IFT140: variants seen among roughly 807,000 people sequenced by gnomAD.
IFT140 encodes the protein intraflagellar transport protein 140 homolog.
A neutral mutation model predicts 164.6 loss-of-function variants in IFT140; 133 were observed. That is an observed-to-expected ratio of 0.81 (90% CI 0.70 to 0.93). The LOEUF is 0.93. Among genes scored for constraint, IFT140 ranks in the 40% least tolerant of loss-of-function variants. The pLI, the probability that IFT140 is intolerant of heterozygous loss-of-function variation, is 0.00. For missense variants in IFT140, 2,045 were observed against 1,972.3 expected (o/e 1.04, Z -0.70); for synonymous variants, 860 against 817.3 (o/e 1.05, Z -0.89).
chr16:1,568,298 C>T lies in IFT140; in HGVS notation c.1689G>A (p.Ala563=), dbSNP rs774761227. The T allele has an allele frequency of 2.0e-5, 32 of 1,613,786 alleles. No homozygotes were observed. Among genetic ancestry groups the T allele is most frequent in the Non-Finnish European group, 2.3e-5 (27 of 1,180,006 alleles). The change falls in exon 15 of 31, where the codon GCG becomes GCA. Residue 563 remains alanine (A), a synonymous_variant. Transcript: ENST00000426508. ...TGCCCCCCACCCCAGGGACCAGCTCCGCCAGGCTCCTGCAGCTACAGTGTG... is the reference window on the plus strand; with the variant it reads ...TGCCCCCCACCCCAGGGACCAGCTCTGCCAGGCTCCTGCAGCTACAGTGTG... ...AKAHCSCRSL[A]ELVPGVGGIA...
intron 19 of IFT140, among the ~76,000 whole-genome samples, chr16:1,536,456 C>T (rs1408448028): frequency 6.6e-6 from 1 of 152,232 alleles, no homozygotes; most frequent in Non-Finnish European, 1.5e-5. Context: ...ATATTTACAA[C>T]ATCCTCCTGC....
At chr16:1,513,580 C>T (rs549804402) in intron 30 of IFT140, among the ~76,000 whole-genome samples, 10 of 152,110 alleles carry the variant, frequency 6.6e-5, no homozygotes, top group South Asian at 2.1e-4. Context: ...CTAATGACGA[C>T]GGACACATGG....
chr16:1,541,901 T>G, intron 19 of IFT140: 1 of 1,573,500 alleles, frequency 6.4e-7, no homozygotes, highest in Non-Finnish European at 8.6e-7. Context: ...CACCACTGCC[T>G]CTCTGCTCTT....
At chr16:1,575,249 C>G (rs1567390696) in intron 13 of IFT140, among the ~76,000 whole-genome samples, 1 of 151,826 alleles carries the variant, frequency 6.6e-6, no homozygotes, top group African/African-American at 2.4e-5. Flanking sequence ...GTGATTGGCA[C>G]CTGTGGTCCC....
At chr16:1,532,510 C>T (rs1477037545) in intron 19 of IFT140, 5 of 152,288 alleles carry the variant, frequency 3.3e-5, no homozygotes, top group South Asian at 4.1e-4. Flanking sequence ...GGAGACTGGT[C>T]CCAGGAAGTG....
intron 15 of IFT140, among the ~76,000 whole-genome samples, chr16:1,566,545 T>C (rs1485344553): frequency 1.3e-5 from 2 of 152,196 alleles, no homozygotes; most frequent in Non-Finnish European, 2.9e-5. Context: ...CACTGCAGCC[T>C]CCGCCTCCCG....
intron 7 of IFT140, 141 bp downstream of exon 7, chr16:1,589,464 G>GCTAGCTACGTTAGCCGCC (rs2035062395): frequency 1.4e-6 from 1 of 706,940 alleles, no homozygotes; most frequent in Admixed American, 2.7e-5. Context: ...TAATGACACC[G>GCTAGCTACGTTAGCCGCC]CTAGCTACGT....
intron 19 of IFT140, among the ~76,000 whole-genome samples, chr16:1,530,290 A>G (rs1377912857): frequency 6.6e-6 from 1 of 151,322 alleles, no homozygotes; most frequent in African/African-American, 2.4e-5. Flanking sequence ...GCGCCACCAC[A>G]CCCAGCTAAT....
At chr16:1,563,957 CTGAG>C in intron 17 of IFT140, 36 bp downstream of exon 17, 1 of 1,507,100 alleles carries the variant, frequency 6.6e-7, no homozygotes, top group Non-Finnish European at 9.0e-7. Flanking sequence ...CAAATGGCCA[CTGAG>C]TGTGTCTAAA....
At chr16:1,538,849 G>A (rs895322074) in intron 19 of IFT140, among the ~76,000 whole-genome samples, 3 of 152,210 alleles carry the variant, frequency 2.0e-5, no homozygotes, top group African/African-American at 7.2e-5. Flanking sequence ...TGTGGAGTCC[G>A]TTGGAGCAGT....
At chr16:1,583,285 G>T in intron 12 of IFT140, 29 bp downstream of exon 12, 1 of 1,599,944 alleles carries the variant, frequency 6.3e-7, no homozygotes, top group Non-Finnish European at 8.6e-7. Context: ...GGTAGTGGGA[G>T]TGCCTCTGTC....
At chr16:1,595,478 G>A (rs1490065424) in intron 4 of IFT140, among the ~76,000 whole-genome samples, 1 of 151,226 alleles carries the variant, frequency 6.6e-6, no homozygotes, top group Non-Finnish European at 1.5e-5. Flanking sequence ...AGCCAGGCAT[G>A]TTGGTGCACA....
At chr16:1,517,731 G>A (rs769971188) in intron 30 of IFT140, among the ~76,000 whole-genome samples, 18 of 152,150 alleles carry the variant, frequency 1.2e-4, no homozygotes, top group African/African-American at 3.1e-4. Flanking sequence ...ATTCAGACTC[G>A]GGTACATGCA....
intron 18 of IFT140, 129 bp downstream of exon 18, chr16:1,561,856 T>G: frequency 1.2e-6 from 1 of 861,370 alleles, no homozygotes; most frequent in South Asian, 2.3e-5. Context: ...TGATGCTGTC[T>G]ACGGAGAGGG....
At chr16:1,601,805 G>C (rs2035809396) in intron 4 of IFT140, among the ~76,000 whole-genome samples, 1 of 152,222 alleles carries the variant, frequency 6.6e-6, no homozygotes, top group African/African-American at 2.4e-5. Flanking sequence ...CTAGATGCCT[G>C]TTACCCTTTT....
At chr16:1,541,119 C>T (rs2031589708) in intron 19 of IFT140, 5 of 985,454 alleles carry the variant, frequency 5.1e-6, no homozygotes, top group South Asian at 9.4e-5. Flanking sequence ...CTGCCCCTGA[C>T]CACGCATCCA....
Position 1,554,635 on chromosome 16 carries a change from G to A in IFT140, c.2399+3300C>T, listed in dbSNP as rs1647208529. On this transcript the variant is annotated intron_variant, in intron 19 of 30. Coordinates refer to ENST00000426508, the MANE Select transcript of IFT140 (RefSeq NM_014714.4). ...CGCTCTAGGACAGAGGGCTGGGGAA[G>A]GATAAAGCAGGCTGGAACCCGCTCT... 8 of 1,245,096 alleles carry A rather than the reference G, an allele frequency of 6.4e-6. No homozygotes were observed. The Admixed American group carries it at 1.8e-4, about 29-fold the overall frequency. The allele number at this position is 1,245,096 out of a possible 1,614,324, so 77.1% of individuals were successfully genotyped here.
At chr16:1,529,959 A>T (rs572618736) in intron 19 of IFT140, among the ~76,000 whole-genome samples, 1 of 151,876 alleles carries the variant, frequency 6.6e-6, no homozygotes, top group Non-Finnish European at 1.5e-5. Flanking sequence ...AGTTCTACAG[A>T]TCGGATGGAA....
At chr16:1,517,996 C>G (rs1028534264) in intron 30 of IFT140, 2 of 435,422 alleles carry the variant, frequency 4.6e-6, no homozygotes, top group African/African-American at 2.0e-5. Flanking sequence ...AGCCACCATG[C>G]CTGGCTAATT....
Sources: allele counts gnomAD v4.1 joint callset (sites outside exome capture counted in the v4.1 genomes callset), GRCh38; gene constraint gnomAD v4.1.1; transcripts MANE v1.5; gene names NCBI Gene and HGNC (gene_info 2026-07-23, HGNC 2026-07-21).